The following SLC35D4 variants were observed in gnomAD, a reference collection of about 807,000 sequenced individuals.
SLC35D4 encodes the protein UDP-N-acetylglucosamine transporter SLC35D4.
chr18:23,419,553 A>G, the SLC35D4 span, among the ~76,000 whole-genome samples: 2 of 152,068 alleles, frequency 1.3e-5, no homozygotes, highest in African/African-American at 2.4e-5. Flanking sequence ...CGGCCTCCCA[A>G]AGTGCTGGGA....
chr18:23,256,302 G>T, the SLC35D4 span, among the ~76,000 whole-genome samples: 1 of 152,258 alleles, frequency 6.6e-6, no homozygotes, highest in Non-Finnish European at 1.5e-5. Flanking sequence ...GGGTGGGCAC[G>T]CAAGATGCCA....
the SLC35D4 span, chr18:23,356,445 T>C: frequency 1.3e-6 from 1 of 748,978 alleles, no homozygotes; most frequent in Non-Finnish European, 2.2e-6. The surrounding 1 kb of genome is among the most constrained non-coding windows in gnomAD (Gnocchi z 4.1). Flanking sequence ...GACAGCCTGC[T>C]GGTGACATAA....
At chr18:23,366,522 G>C in the SLC35D4 span, among the ~76,000 whole-genome samples, 1 of 152,182 alleles carries the variant, frequency 6.6e-6, no homozygotes, top group Non-Finnish European at 1.5e-5. Flanking sequence ...CCAGTGTCCT[G>C]GCTTAAATTG....
chr18:23,242,492 G>A, the SLC35D4 span, among the ~76,000 whole-genome samples: 2 of 152,230 alleles, frequency 1.3e-5, no homozygotes, highest in South Asian at 2.1e-4. Flanking sequence ...ATGAGAGAGT[G>A]GTTATGTATC....
the SLC35D4 span, chr18:23,437,648 G>A: frequency 1.1e-6 from 1 of 897,350 alleles, no homozygotes. Context: ...ACACGGAGGA[G>A]GTTCGCTCTC....
At chr18:23,298,060 G>A in the SLC35D4 span, 11 of 1,613,812 alleles carry the variant, frequency 6.8e-6, no homozygotes, top group Non-Finnish European at 8.5e-6. Flanking sequence ...AGCGCACCGA[G>A]CAGGAGGCTG....
chr18:23,374,837 A>G, the SLC35D4 span, among the ~76,000 whole-genome samples: 25 of 152,096 alleles, frequency 1.6e-4, no homozygotes, highest in African/African-American at 5.3e-4. Context: ...GTATTGTGCC[A>G]GGTATGGTGG....
At chr18:23,360,828 G>A in the SLC35D4 span, among the ~76,000 whole-genome samples, 1 of 152,144 alleles carries the variant, frequency 6.6e-6, no homozygotes, top group Admixed American at 6.6e-5. Flanking sequence ...GGGGCTGGGT[G>A]CAGCAGCTCA....
At chr18:23,392,039 G>A in the SLC35D4 span, among the ~76,000 whole-genome samples, 1 of 151,774 alleles carries the variant, frequency 6.6e-6, no homozygotes, top group African/African-American at 2.4e-5. Flanking sequence ...CTGGGTTCAA[G>A]CGATTCTCCT....
At chr18:23,316,829 C>T in the SLC35D4 span, among the ~76,000 whole-genome samples, 2 of 152,000 alleles carry the variant, frequency 1.3e-5, no homozygotes, top group Non-Finnish European at 2.9e-5. Flanking sequence ...AGAAAGTAAC[C>T]AAAATGTGAT....
the SLC35D4 span, among the ~76,000 whole-genome samples, chr18:23,429,896 T>G: frequency 2.8e-4 from 43 of 152,358 alleles, 2 homozygotes; most frequent in East Asian, 7.9e-3. Flanking sequence ...CCTTATAGAT[T>G]GTGGATATTA....
At chr18:23,256,449 T>G in the SLC35D4 span, among the ~76,000 whole-genome samples, 1 of 152,220 alleles carries the variant, frequency 6.6e-6, no homozygotes, top group African/African-American at 2.4e-5. Flanking sequence ...ACTTACCACG[T>G]GGTTTTTATT....
the SLC35D4 span, among the ~76,000 whole-genome samples, chr18:23,247,874 A>G: frequency 2.6e-5 from 4 of 152,046 alleles, no homozygotes; most frequent in Non-Finnish European, 5.9e-5. Flanking sequence ...CATATTCCCC[A>G]CTTACGCGGG....
At chr18:23,359,584 A>T in the SLC35D4 span, among the ~76,000 whole-genome samples, 1 of 152,124 alleles carries the variant, frequency 6.6e-6, no homozygotes, top group Non-Finnish European at 1.5e-5. Flanking sequence ...ATATTACCAC[A>T]TTCGAGACTA....
chr18:23,419,564 T>C, the SLC35D4 span, among the ~76,000 whole-genome samples: 2 of 152,154 alleles, frequency 1.3e-5, no homozygotes, highest in Non-Finnish European at 2.9e-5. Context: ...AGTGCTGGGA[T>C]AACAGGCATG....
chr18:23,262,132 A>AT, the SLC35D4 span, among the ~76,000 whole-genome samples: 1 of 152,096 alleles, frequency 6.6e-6, no homozygotes, highest in Admixed American at 6.6e-5. Context: ...AAAAATCTAA[A>AT]TTTTTTTCTT....
At chr18:23,406,914 C>T in the SLC35D4 span, among the ~76,000 whole-genome samples, 2 of 152,166 alleles carry the variant, frequency 1.3e-5, no homozygotes, top group Non-Finnish European at 2.9e-5. Flanking sequence ...AAGTAATTCT[C>T]CCACCTTAGG....
At chr18:23,248,969 G>A in the SLC35D4 span, among the ~76,000 whole-genome samples, 1 of 152,250 alleles carries the variant, frequency 6.6e-6, no homozygotes, top group East Asian at 1.9e-4. Context: ...GGCTGCAGCT[G>A]CCTGGGACCA....
the SLC35D4 span, among the ~76,000 whole-genome samples, chr18:23,287,122 T>A: frequency 6.6e-6 from 1 of 152,100 alleles, no homozygotes. Flanking sequence ...TTAAAGCCTA[T>A]AAACTCTCCT....
Sources: allele counts gnomAD v4.1 joint callset (sites outside exome capture counted in the v4.1 genomes callset), GRCh38; gene constraint gnomAD v4.1.1; non-coding constraint Gnocchi (gnomAD v3.1); transcripts MANE v1.5; gene names NCBI Gene and HGNC (gene_info 2026-07-23, HGNC 2026-07-21).